Variants in AGBL4 observed in about 807,000 individuals in gnomAD.
AGBL4 encodes cytosolic carboxypeptidase 6.
In AGBL4, 58 loss-of-function variants were observed where a neutral mutation model predicts 66.4. That is an observed-to-expected ratio of 0.87 (90% CI 0.71 to 1.09). The LOEUF is 1.09. Ranked by LOEUF, AGBL4 falls within the 50% of genes least tolerant of loss-of-function variation. The probability of loss-of-function intolerance (pLI) is 0.00; values close to 1 mark genes in which losing one functional copy is unlikely to be tolerated. For missense variants in AGBL4, 579 were observed against 631.0 expected (o/e 0.92, Z 0.88); for synonymous variants, 234 against 222.9 (o/e 1.05, Z -0.44).
chr1:49,121,758 G>A lies in AGBL4; in HGVS notation c.378-75958C>T, dbSNP rs541816601. The stretch of plus-strand genomic sequence containing the variant: ...CTCTTCAGAGCTGTCAGACATGGAC[G>A]TTTAAGTCTGCAGAAGTTGTCTGCT... On this transcript the variant is annotated intron_variant, in intron 4 of 13. Coordinates refer to ENST00000371839, the MANE Select transcript of AGBL4 (RefSeq NM_032785.4). 1.6e-3 allele frequency among the ~76,000 whole-genome samples: 249 copies of A among 152,318 alleles called. 2 individuals are homozygous for A. Among genetic ancestry groups the A allele is most frequent in the Middle Eastern group, 0.014 (4 of 294 alleles).
At chr1:49,992,329 G>A (rs965045759) in intron 1 of AGBL4, among the ~76,000 whole-genome samples, 1 of 147,886 alleles carries the variant, frequency 6.8e-6, no homozygotes, top group African/African-American at 2.5e-5. Flanking sequence ...GCGAGACCGC[G>A]CCACTGCACT....
At chr1:48,922,924 T>C (rs886218334) in intron 5 of AGBL4, among the ~76,000 whole-genome samples, 2 of 149,208 alleles carry the variant, frequency 1.3e-5, no homozygotes, top group East Asian at 3.9e-4. Context: ...TTCTCAACTA[T>C]ATATATATAT....
At chr1:49,369,077 C>T (rs192516208) in intron 3 of AGBL4, among the ~76,000 whole-genome samples, 1 of 152,180 alleles carries the variant, frequency 6.6e-6, no homozygotes, top group East Asian at 1.9e-4. Flanking sequence ...GAGCAAGACT[C>T]TGCCTCAGAA....
intron 3 of AGBL4, among the ~76,000 whole-genome samples, chr1:49,454,703 G>A (rs1249962771): frequency 6.6e-6 from 1 of 151,448 alleles, no homozygotes; most frequent in Non-Finnish European, 1.5e-5. Flanking sequence ...TGAATGCTAG[G>A]GTGAGGGTTG....
At chr1:49,903,775 A>G (rs1650002369) in intron 1 of AGBL4, among the ~76,000 whole-genome samples, 1 of 152,142 alleles carries the variant, frequency 6.6e-6, no homozygotes, top group Non-Finnish European at 1.5e-5. Context: ...ATGTAGGCTG[A>G]AGGAACAAAG....
At chr1:49,908,388 G>A (rs1314784980) in intron 1 of AGBL4, among the ~76,000 whole-genome samples, 1 of 152,144 alleles carries the variant, frequency 6.6e-6, no homozygotes, top group Admixed American at 6.5e-5. Flanking sequence ...ACAATAGTGA[G>A]TGAGTTATTG....
chr1:49,326,468 G>A (rs1175270356), intron 3 of AGBL4, among the ~76,000 whole-genome samples: 3 of 152,120 alleles, frequency 2.0e-5, no homozygotes, highest in Admixed American at 6.5e-5. Flanking sequence ...GACATTTTGG[G>A]GAATCAGCCA....
intron 2 of AGBL4, among the ~76,000 whole-genome samples, chr1:49,738,101 G>A (rs578188208): frequency 6.6e-6 from 1 of 152,326 alleles, no homozygotes; most frequent in South Asian, 2.1e-4. Flanking sequence ...GCCGAAGCAG[G>A]GCGAGGAATC....
chr1:49,537,065 A>C (rs1651652043), intron 3 of AGBL4, among the ~76,000 whole-genome samples: 1 of 152,106 alleles, frequency 6.6e-6, no homozygotes, highest in South Asian at 2.1e-4. Flanking sequence ...TAGTCAATAA[A>C]CTGTGCTGGG....
chr1:49,920,401 A>C lies in AGBL4; in HGVS notation c.35-68883T>G, dbSNP rs570767305. ...CTCGAACAAATTTACAAGAAAAGAA[A>C]TAAACAACCCCATCAAAAAGTGGGC... On this transcript the variant is annotated intron_variant, in intron 1 of 13. Transcript: ENST00000371839. Among the ~76,000 whole-genome samples the C allele has an allele frequency of 3.9e-5, 6 of 152,328 alleles. No individual in the cohort carries two copies. The East Asian group carries it at 9.7e-4, about 25-fold the overall frequency.
intron 5 of AGBL4, among the ~76,000 whole-genome samples, chr1:48,971,780 G>A (rs768639485): frequency 6.6e-6 from 1 of 152,180 alleles, no homozygotes; most frequent in Non-Finnish European, 1.5e-5. Flanking sequence ...CTTAAGTTCA[G>A]TGCATTTTAC....
chr1:48,897,378 A>AT (rs1163105479), intron 5 of AGBL4, among the ~76,000 whole-genome samples: 18 of 152,210 alleles, frequency 1.2e-4, no homozygotes, highest in Admixed American at 1.1e-3. Context: ...CCATTCATCC[A>AT]TTGATGGGCA....
intron 3 of AGBL4, among the ~76,000 whole-genome samples, chr1:49,666,990 T>C (rs1175185032): frequency 6.6e-6 from 1 of 152,176 alleles, no homozygotes; most frequent in Non-Finnish European, 1.5e-5. Flanking sequence ...ACCTGGATTA[T>C]TGACCTCTGC....
At chr1:49,411,714 G>T (rs1167459731) in intron 3 of AGBL4, among the ~76,000 whole-genome samples, 7 of 151,956 alleles carry the variant, frequency 4.6e-5, no homozygotes, top group Non-Finnish European at 4.4e-5. Flanking sequence ...ATAAACTAAA[G>T]AATTAATCCT....
At chr1:48,933,047 T>G (rs964973217) in intron 5 of AGBL4, among the ~76,000 whole-genome samples, 2 of 152,190 alleles carry the variant, frequency 1.3e-5, no homozygotes, top group African/African-American at 4.8e-5. Context: ...GTGGTTTGCT[T>G]TAAAGAAAGG....
chr1:49,824,732 C>T (rs957359046), intron 2 of AGBL4, among the ~76,000 whole-genome samples: 5 of 152,136 alleles, frequency 3.3e-5, no homozygotes, highest in Non-Finnish European at 7.4e-5. Flanking sequence ...AATTACACCA[C>T]GCATGTGGAG....
chr1:49,202,574 T>A (rs1006173416), intron 4 of AGBL4, among the ~76,000 whole-genome samples: 1 of 151,900 alleles, frequency 6.6e-6, no homozygotes, highest in Admixed American at 6.6e-5. Flanking sequence ...ATATCCACAT[T>A]GAAAAAAATG....
At chr1:48,673,376 T>A (rs1464932173) in intron 6 of AGBL4, among the ~76,000 whole-genome samples, 1 of 152,152 alleles carries the variant, frequency 6.6e-6, no homozygotes, top group Non-Finnish European at 1.5e-5. Context: ...ATCCTGACCC[T>A]GAGTGGAAGA....
At chr1:49,788,294 T>C (rs1644510280) in intron 2 of AGBL4, among the ~76,000 whole-genome samples, 1 of 151,964 alleles carries the variant, frequency 6.6e-6, no homozygotes, top group African/African-American at 2.4e-5. Context: ...GTCAAGGTGA[T>C]CAGCCAAAAA....
Sources: allele counts gnomAD v4.1 joint callset (sites outside exome capture counted in the v4.1 genomes callset), GRCh38; gene constraint gnomAD v4.1.1; transcripts MANE v1.5; gene names NCBI Gene and HGNC (gene_info 2026-07-23, HGNC 2026-07-21).